The following PODXL variants were observed in gnomAD, a reference collection of about 807,000 sequenced individuals.
PODXL encodes the protein podocalyxin.
PODXL carries 20 observed loss-of-function variants against 48.9 expected under a neutral mutation model. The ratio of observed to expected loss-of-function variants is 0.41; its 90% CI spans 0.29 to 0.59. The LOEUF is 0.59. PODXL is among the 20% of genes least tolerant of loss of function. PODXL has a pLI of 0.31. For synonymous variants in PODXL, 295 were observed against 287.4 expected (o/e 1.03, Z -0.27); for missense variants, 606 against 675.1 (o/e 0.90, Z 1.13).
chr7:131,519,174 G>T (rs1413764647), intron 1 of PODXL, among the ~76,000 whole-genome samples: 1 of 152,122 alleles, frequency 6.6e-6, no homozygotes, highest in Admixed American at 6.5e-5. Context: ...TTCTTTCTAC[G>T]CCACCCTTCA....
intron 1 of PODXL, among the ~76,000 whole-genome samples, chr7:131,544,329 T>C (rs1798528935): frequency 1.3e-5 from 2 of 152,226 alleles, no homozygotes; most frequent in African/African-American, 4.8e-5. Flanking sequence ...AGAGATGTGA[T>C]TCTGTGTCAA....
At chr7:131,547,124 T>C (rs559602328) in intron 1 of PODXL, among the ~76,000 whole-genome samples, 4 of 152,100 alleles carry the variant, frequency 2.6e-5, no homozygotes, top group African/African-American at 9.6e-5. Flanking sequence ...TCTGTAATCC[T>C]ATCACTTTGG....
intron 1 of PODXL, among the ~76,000 whole-genome samples, chr7:131,524,377 C>CAGAGAGAGAGAGAGAGAG (rs1451998492): frequency 8.3e-5 from 2 of 24,070 alleles, no homozygotes; most frequent in South Asian, 2.4e-3. Context: ...CACACACACA[C>CAGAGAGAGAGAGAGAGAG]ACAGAGAGAG....
intron 1 of PODXL, among the ~76,000 whole-genome samples, chr7:131,550,471 A>G (rs1029628907): frequency 6.6e-6 from 1 of 152,114 alleles, no homozygotes; most frequent in Non-Finnish European, 1.5e-5. Flanking sequence ...CCTGGCCAAC[A>G]TGGTGAGACC....
chr7:131,506,452 G>A, intron 6 of PODXL, 127 bp downstream of exon 6: 1 of 1,422,026 alleles, frequency 7.0e-7, no homozygotes, highest in African/African-American at 1.4e-5. Context: ...CTGGGAGGGG[G>A]TGTGGCTTGA....
intron 3 of PODXL, 52 bp downstream of exon 3, chr7:131,510,184 A>T (rs2116789185): frequency 2.2e-6 from 1 of 446,342 alleles, no homozygotes; most frequent in East Asian, 7.3e-5. Context: ...TCTTATAAAT[A>T]ATAAGTAAGT....
rs565143240 is a variant in PODXL, at chr7:131,501,766, A to C, written c.*2545T>G. ...CCCAATGCTCTCTGAATTATCAGAG[A>C]GCATTTAGAACCCAGTAAAGGTGGC... On this transcript the variant is annotated 3_prime_UTR_variant, in exon 9 of 9. Transcript: ENST00000378555. 1.3e-5 allele frequency: 2 copies of C among 152,204 alleles called. No homozygotes were observed. The highest frequency in any genetic ancestry group is 4.1e-4 in the South Asian group (2 of 4,820). 9.4% of individuals were successfully genotyped at this position (152,204 alleles called of 1,614,324 possible).
At chr7:131,538,062 C>T (rs972607849) in intron 1 of PODXL, among the ~76,000 whole-genome samples, 33 of 152,150 alleles carry the variant, frequency 2.2e-4, no homozygotes, top group African/African-American at 7.0e-4. Context: ...CTGATGTGTA[C>T]GCACTTCAAA....
At chr7:131,506,378 C>T (rs369480212) in intron 6 of PODXL, 57 bp from the exon 7 acceptor site, 145 of 1,574,752 alleles carry the variant, frequency 9.2e-5, no homozygotes, top group South Asian at 2.7e-4. Context: ...CAGTGGGGGA[C>T]GGGGACTGCG....
At chr7:131,521,807 C>T (rs1301919433) in intron 1 of PODXL, among the ~76,000 whole-genome samples, 1 of 152,150 alleles carries the variant, frequency 6.6e-6, no homozygotes, top group Non-Finnish European at 1.5e-5. Flanking sequence ...GCGGGTGGGG[C>T]TGGCTGGGGA....
chr7:131,512,168 C>A (rs1240979755), intron 1 of PODXL, among the ~76,000 whole-genome samples: 3 of 152,186 alleles, frequency 2.0e-5, no homozygotes, highest in Non-Finnish European at 4.4e-5. Context: ...AGGCCGAGTG[C>A]CCGGACTGCA....
chr7:131,515,959 G>C (rs1479285324), intron 1 of PODXL, among the ~76,000 whole-genome samples: 1 of 152,242 alleles, frequency 6.6e-6, no homozygotes, highest in East Asian at 1.9e-4. Context: ...CTCTGACCTA[G>C]GAGAAGGCTC....
intron 4 of PODXL, 33 bp from the exon 5 acceptor site, chr7:131,509,061 TA>T: frequency 6.4e-7 from 1 of 1,554,504 alleles, no homozygotes; most frequent in Non-Finnish European, 8.9e-7. Flanking sequence ...AGGTTTGGGC[TA>T]ATAGTCATGG....
At chr7:131,516,724 GCTTT>G (rs1450669495) in intron 1 of PODXL, among the ~76,000 whole-genome samples, 1 of 124,716 alleles carries the variant, frequency 8.0e-6, no homozygotes, top group Non-Finnish European at 1.6e-5. Context: ...TGACTGTGGT[GCTTT>G]TTTTTCTCTT....
intron 1 of PODXL, among the ~76,000 whole-genome samples, chr7:131,524,176 A>C (rs1175231942): frequency 6.6e-6 from 1 of 152,152 alleles, no homozygotes; most frequent in African/African-American, 2.4e-5. Flanking sequence ...GGAATAGTAG[A>C]GAACTTCCCT....
chr7:131,556,603 G>T lies in PODXL; in HGVS notation c.-244C>A, dbSNP rs187631401. The stretch of plus-strand genomic sequence containing the variant: ...CGGCGGCGGCGGCTGCGTCCTGGGC[G>T]GCGTCTGCGCGGCTGCGGCCCCACT... On this transcript the variant is annotated 5_prime_UTR_variant, in exon 1 of 9. Coordinates refer to ENST00000378555, the MANE Select transcript of PODXL (RefSeq NM_001018111.3). 4,463 of 310,330 alleles carry T rather than the reference G, an allele frequency of 0.014. 104 individuals carry two copies. Among genetic ancestry groups the T allele is most frequent in the African/African-American group, 0.071 (3,224 of 45,260 alleles). 19.2% of individuals were successfully genotyped at this position (310,330 alleles called of 1,614,324 possible).
rs1241012896 is a variant in PODXL, at chr7:131,506,525, C to T, written c.1249+54G>A. The T allele has an allele frequency of 1.9e-6, 3 of 1,579,150 alleles. No individual in the cohort carries two copies. The South Asian group carries it at 3.4e-5, about 18-fold the overall frequency. ...ACCCTCCAATGTGGCTTCTGCATGC[C>T]CCCCATTCCCACCCATGCAGGCCCC... On this transcript the variant is annotated intron_variant, in intron 6 of 8. Transcript: ENST00000378555.
chr7:131,546,697 G>C (rs1798581203), intron 1 of PODXL, among the ~76,000 whole-genome samples: 1 of 127,456 alleles, frequency 7.8e-6, no homozygotes, highest in East Asian at 2.4e-4. Flanking sequence ...CTGCACTCCA[G>C]CCTGGGCAAC....
chr7:131,527,498 C>T (rs750136740), intron 1 of PODXL, among the ~76,000 whole-genome samples: 5 of 152,122 alleles, frequency 3.3e-5, no homozygotes, highest in South Asian at 2.1e-4. Flanking sequence ...TTTAGATTCA[C>T]GTTTTAAGGA....
Sources: gnomAD v4.1 joint callset for allele counts (sites outside exome capture counted in the v4.1 genomes callset) on GRCh38, gnomAD v4.1.1 for gene constraint, MANE v1.5 for transcripts, NCBI Gene and HGNC (gene_info 2026-07-23, HGNC 2026-07-21) for gene names.